Variants in STAC observed in about 807,000 individuals in gnomAD.
STAC encodes SH3 and cysteine rich domain.
STAC carries 43 observed loss-of-function variants against 48.8 expected under a neutral mutation model. The observed-to-expected ratio is 0.88, with a 90% confidence interval of 0.69 to 1.14. STAC has a LOEUF of 1.14. Among genes scored for constraint, STAC ranks in the 50% most tolerant of loss-of-function variants. STAC has a pLI of 0.00. For synonymous variants in STAC, 193 were observed against 179.5 expected (o/e 1.07, Z -0.60); for missense variants, 497 against 504.0 (o/e 0.99, Z 0.13).
intron 1 of STAC, among the ~76,000 whole-genome samples, chr3:36,398,320 C>CAAGAAAGCAAGAAAGCAAGAAAGAAAGA (rs1208055608): frequency 3.7e-5 from 3 of 82,168 alleles, no homozygotes; most frequent in South Asian, 3.9e-4. Flanking sequence ...AGAAAGAAAG[C>CAAGAAAGCAAGAAAGCAAGAAAGAAAGA]AAGAAAGAAA....
intron 1 of STAC, among the ~76,000 whole-genome samples, chr3:36,385,810 T>C (rs1194927709): frequency 2.0e-5 from 3 of 152,156 alleles, no homozygotes; most frequent in East Asian, 1.9e-4. Flanking sequence ...ATCTGTGCCA[T>C]TGTAGGTAGC....
intron 2 of STAC, among the ~76,000 whole-genome samples, chr3:36,444,373 A>G (rs976420797): frequency 1.3e-5 from 2 of 152,226 alleles, no homozygotes; most frequent in Non-Finnish European, 2.9e-5. Flanking sequence ...AAAAATGGCC[A>G]TGTTTTACTC....
chr3:36,457,784 A>C (rs1393149868), intron 2 of STAC, among the ~76,000 whole-genome samples: 1 of 152,206 alleles, frequency 6.6e-6, no homozygotes, highest in Admixed American at 6.5e-5. Context: ...CAAAACACAC[A>C]AAAGAGAAGA....
At chr3:36,403,829 G>C (rs544403646) in intron 1 of STAC, among the ~76,000 whole-genome samples, 2 of 152,144 alleles carry the variant, frequency 1.3e-5, no homozygotes, top group Admixed American at 6.5e-5. Flanking sequence ...ATTCATTCTG[G>C]AATCTGGAAT....
intron 7 of STAC, 117 bp from the exon 8 acceptor site, chr3:36,505,629 T>TAA (rs1277023026): frequency 1.2e-5 from 8 of 676,068 alleles, no homozygotes; most frequent in Non-Finnish European, 2.0e-5. Context: ...AGATAACACT[T>TAA]ACGATCCATA....
intron 1 of STAC, among the ~76,000 whole-genome samples, chr3:36,425,493 G>A (rs1468170614): frequency 6.6e-6 from 1 of 152,168 alleles, no homozygotes; most frequent in African/African-American, 2.4e-5. Flanking sequence ...TGGAATCCTG[G>A]ATTGGATCCT....
Position 36,516,888 on chromosome 3 carries a change from A to G in STAC, c.920+11054A>G, listed in dbSNP as rs74425659. On this transcript the variant is annotated intron_variant, in intron 8 of 10. Transcript: ENST00000273183. ...CTCTTCATAATTACATCTTTTCACA[A>G]TGTATTTTCTCTCCTAGTCTTCTGA... 5.7e-3 allele frequency among the ~76,000 whole-genome samples: 861 copies of G among 152,234 alleles called. 5 individuals carry two copies. The highest frequency in any genetic ancestry group is 0.02 in the African/African-American group (816 of 41,536).
chr3:36,432,928 G>T (rs973103326), intron 1 of STAC, among the ~76,000 whole-genome samples: 1 of 152,184 alleles, frequency 6.6e-6, no homozygotes, highest in Non-Finnish European at 1.5e-5. Flanking sequence ...CCTTAGGATA[G>T]AGCCTGGTGT....
At chr3:36,492,028 AAAAATATATATATATATATATATATATAT>A (rs1416358618) in intron 5 of STAC, among the ~76,000 whole-genome samples, 2 of 36,660 alleles carry the variant, frequency 5.5e-5, no homozygotes, top group African/African-American at 1.6e-4. Flanking sequence ...AAAAAAAAAA[AAAAATATATATATATATATATATATATAT>A]ATATATATAT....
At chr3:36,537,849 T>C (rs962565072) in intron 10 of STAC, among the ~76,000 whole-genome samples, 2 of 152,024 alleles carry the variant, frequency 1.3e-5, no homozygotes, top group Non-Finnish European at 2.9e-5. Flanking sequence ...GACCAAACAT[T>C]AATTAAAGAT....
intron 8 of STAC, among the ~76,000 whole-genome samples, chr3:36,513,735 A>G (rs910915019): frequency 3.3e-5 from 5 of 152,184 alleles, no homozygotes; most frequent in African/African-American, 1.2e-4. Context: ...TATATAAGAT[A>G]GCAATATCTG....
chr3:36,459,035 C>T (rs1696929747), intron 2 of STAC, among the ~76,000 whole-genome samples: 1 of 152,092 alleles, frequency 6.6e-6, no homozygotes, highest in African/African-American at 2.4e-5. Flanking sequence ...ACAAAATTCT[C>T]TGAAACTAAA....
intron 1 of STAC, among the ~76,000 whole-genome samples, chr3:36,432,088 T>C (rs1048784417): frequency 2.6e-5 from 4 of 152,196 alleles, no homozygotes; most frequent in African/African-American, 9.7e-5. Flanking sequence ...CCTCACCAGA[T>C]ATGGCAGAGG....
At chr3:36,458,664 G>A (rs1394834691) in intron 2 of STAC, among the ~76,000 whole-genome samples, 1 of 152,188 alleles carries the variant, frequency 6.6e-6, no homozygotes, top group Non-Finnish European at 1.5e-5. Context: ...CTAGATCTGG[G>A]AGGGCAAACC....
At chr3:36,498,551 T>C (rs1698204421) in intron 6 of STAC, among the ~76,000 whole-genome samples, 1 of 152,104 alleles carries the variant, frequency 6.6e-6, no homozygotes, top group Admixed American at 6.6e-5. Flanking sequence ...CCCGGGAGTT[T>C]GAGACCAGCT....
intron 8 of STAC, among the ~76,000 whole-genome samples, chr3:36,513,787 T>C (rs1361008703): frequency 6.6e-6 from 1 of 152,230 alleles, no homozygotes; most frequent in South Asian, 2.1e-4. Context: ...CAGTCAGTTC[T>C]TTTTTGTATT....
chr3:36,408,350 G>A (rs1282019243), intron 1 of STAC, among the ~76,000 whole-genome samples: 2 of 151,966 alleles, frequency 1.3e-5, no homozygotes, highest in African/African-American at 4.8e-5. Flanking sequence ...CCTACCACTA[G>A]CCCAGTTATT....
rs1491008083 is a variant in STAC at position 36,538,243 on chromosome 3, C to CAT, written c.1111-7939_1111-7938dup. On this transcript the variant is annotated intron_variant, in intron 10 of 10. Coordinates refer to ENST00000273183, the MANE Select transcript of STAC (RefSeq NM_003149.3). ...TTATTAGAACATAGCTAAATTTATT[C>CAT]ATATATATATGGTCTGCGGCTGCTT... Among the ~76,000 whole-genome samples, 14 of 152,128 alleles carry CAT rather than the reference C, an allele frequency of 9.2e-5. No individual in the cohort carries two copies. The East Asian group carries it at 1.9e-3, about 21-fold the overall frequency.
intron 1 of STAC, among the ~76,000 whole-genome samples, chr3:36,431,837 C>T (rs952415604): frequency 6.6e-6 from 1 of 152,190 alleles, no homozygotes; most frequent in Non-Finnish European, 1.5e-5. Context: ...TTTTCTATTA[C>T]TGCTTGTCAT....
Sources: gnomAD v4.1 joint callset for allele counts (sites outside exome capture counted in the v4.1 genomes callset) on GRCh38, gnomAD v4.1.1 for gene constraint, MANE v1.5 for transcripts, NCBI Gene and HGNC (gene_info 2026-07-23, HGNC 2026-07-21) for gene names.